CNTN5: variants seen among roughly 807,000 people sequenced by gnomAD.
CNTN5 encodes contactin 5, also known as contactin-5.
In CNTN5, 77 loss-of-function variants were observed where a neutral mutation model predicts 129.1. The ratio of observed to expected loss-of-function variants is 0.60; its 90% confidence interval spans 0.50 to 0.72. CNTN5 has a LOEUF of 0.72. Ranked by LOEUF, CNTN5 falls within the 30% of genes least tolerant of loss-of-function variation. The pLI is 0.00. For synonymous variants in CNTN5, 509 were observed against 465.6 expected (o/e 1.09, Z -1.20); for missense variants, 1,478 against 1,328.8 (o/e 1.11, Z -1.75).
intron 3 of CNTN5, among the ~76,000 whole-genome samples, chr11:99,762,905 A>G (rs1227025884): frequency 6.6e-6 from 1 of 152,154 alleles, no homozygotes; most frequent in Non-Finnish European, 1.5e-5. Context: ...TTGTGAATTC[A>G]TGGGAACACT....
intron 8 of CNTN5, among the ~76,000 whole-genome samples, chr11:100,000,160 TAATA>T (rs1456932166): frequency 1.3e-5 from 2 of 151,562 alleles, no homozygotes; most frequent in Non-Finnish European, 2.9e-5. Flanking sequence ...AGTATAATAA[TAATA>T]AAAATAAATA....
At chr11:99,386,902 C>CA (rs56184625) in intron 2 of CNTN5, among the ~76,000 whole-genome samples, 50,027 of 151,890 alleles carry the variant, frequency 0.33, 8,163 homozygotes, top group Non-Finnish European at 0.36. Context: ...GCCATTTAAA[C>CA]AAAAAAACTT....
intron 20 of CNTN5, among the ~76,000 whole-genome samples, chr11:100,300,055 C>T (rs996237252): frequency 1.3e-5 from 2 of 151,394 alleles, no homozygotes; most frequent in African/African-American, 4.8e-5. Flanking sequence ...TAACTTGCTG[C>T]CTTCATATGC....
chr11:99,351,908 C>T (rs1423118089), intron 2 of CNTN5, among the ~76,000 whole-genome samples: 1 of 152,192 alleles, frequency 6.6e-6, no homozygotes, highest in Non-Finnish European at 1.5e-5. Context: ...GTGGCTGGAA[C>T]CTGATTAGAA....
At chr11:99,145,838 C>A (rs1397370695) in intron 1 of CNTN5, among the ~76,000 whole-genome samples, 2 of 152,022 alleles carry the variant, frequency 1.3e-5, no homozygotes, top group African/African-American at 4.8e-5. Flanking sequence ...GTCTATTCAA[C>A]CTACAAGAAG....
At chr11:100,025,628 G>A (rs115720149) in intron 9 of CNTN5, among the ~76,000 whole-genome samples, 1,881 of 152,306 alleles carry the variant, frequency 0.012, 41 homozygotes, top group African/African-American at 0.043. Context: ...AGCCACAGGG[G>A]TGAAGCTGCC....
chr11:99,997,355 C>T (rs1939523882), intron 8 of CNTN5, among the ~76,000 whole-genome samples: 1 of 152,104 alleles, frequency 6.6e-6, no homozygotes, highest in East Asian at 1.9e-4. Flanking sequence ...GATCAACTAC[C>T]ATCAGAGAAT....
intron 17 of CNTN5, among the ~76,000 whole-genome samples, chr11:100,256,571 G>C (rs1481801301): frequency 6.6e-6 from 1 of 152,074 alleles, no homozygotes; most frequent in Admixed American, 6.5e-5. Flanking sequence ...GCAGAAGGTG[G>C]GTGATTTCTG....
intron 3 of CNTN5, among the ~76,000 whole-genome samples, chr11:99,656,523 T>TAGAA (rs1159639579): frequency 2.3e-5 from 2 of 88,296 alleles, no homozygotes; most frequent in Non-Finnish European, 5.8e-5. Flanking sequence ...TTCTGGAAAA[T>TAGAA]GGAAGAAAGA....
At chr11:100,088,720 A>G (rs931286111) in intron 13 of CNTN5, among the ~76,000 whole-genome samples, 1 of 152,112 alleles carries the variant, frequency 6.6e-6, no homozygotes, top group African/African-American at 2.4e-5. Context: ...ACCAGTATCC[A>G]GTTCCAAAAT....
chr11:99,851,017 A>C (rs903382572), intron 6 of CNTN5, among the ~76,000 whole-genome samples: 3 of 140,938 alleles, frequency 2.1e-5, no homozygotes, highest in East Asian at 2.1e-4. Flanking sequence ...TCACTGATTA[A>C]TTTTTTTTTC....
intron 9 of CNTN5, among the ~76,000 whole-genome samples, chr11:100,004,460 A>G (rs958418209): frequency 1.3e-5 from 2 of 152,102 alleles, no homozygotes; most frequent in Non-Finnish European, 2.9e-5. Context: ...ACTCACACCC[A>G]TTATTCTCTG....
intron 13 of CNTN5, among the ~76,000 whole-genome samples, chr11:100,086,993 A>C (rs1419446775): frequency 6.6e-6 from 1 of 151,730 alleles, no homozygotes; most frequent in Non-Finnish European, 1.5e-5. Context: ...ACTAAAAGTA[A>C]ATGCAAGAAA....
In CNTN5 at chr11:99,338,475, G is replaced by A. The variant is rs557771351; in HGVS notation, c.-71+12991G>A. 7.9e-5 allele frequency among the ~76,000 whole-genome samples: 12 copies of A among 152,162 alleles called. No individual in the cohort carries two copies. In the South Asian group the frequency reaches 8.3e-4, roughly 11 times the overall value. The stretch of plus-strand genomic sequence containing the variant: ...GTGGAGAATGTCTCTTTTTTCTTAC[G>A]GCAGAGAACAGTTGTTCGTTTTGGG... On this transcript the variant is annotated intron_variant, in intron 2 of 24. Transcript: ENST00000524871.
At chr11:99,379,184 T>TC (rs1940370078) in intron 2 of CNTN5, among the ~76,000 whole-genome samples, 1 of 150,394 alleles carries the variant, frequency 6.6e-6, no homozygotes, top group African/African-American at 2.4e-5. Context: ...TTGTTTCTTT[T>TC]TTTTTTTTTA....
chr11:99,827,956 T>G (rs1947018932), intron 4 of CNTN5, among the ~76,000 whole-genome samples: 1 of 152,176 alleles, frequency 6.6e-6, no homozygotes, highest in South Asian at 2.1e-4. Flanking sequence ...TTTTTACATT[T>G]TTTCTGTAGG....
chr11:99,137,566 T>G, intron 1 of CNTN5, among the ~76,000 whole-genome samples: 1 of 152,312 alleles, frequency 6.6e-6, no homozygotes, highest in East Asian at 1.9e-4. Flanking sequence ...TATCATATTT[T>G]ATTAAAGTGA....
chr11:99,877,752 ATAG>A (rs1948671590), intron 6 of CNTN5, among the ~76,000 whole-genome samples: 1 of 152,226 alleles, frequency 6.6e-6, no homozygotes. Flanking sequence ...CATTTGCATT[ATAG>A]GTTTTCAATC....
intron 2 of CNTN5, among the ~76,000 whole-genome samples, chr11:99,351,459 A>G (rs1371165878): frequency 6.6e-6 from 1 of 152,216 alleles, no homozygotes; most frequent in Non-Finnish European, 1.5e-5. Flanking sequence ...GTGGTATACA[A>G]ATTCCTCCTT....
Sources: gnomAD v4.1 joint callset for allele counts (sites outside exome capture counted in the v4.1 genomes callset) on GRCh38, gnomAD v4.1.1 for gene constraint, MANE v1.5 for transcripts, NCBI Gene and HGNC (gene_info 2026-07-23, HGNC 2026-07-21) for gene names.